CCDC178: variants seen among roughly 807,000 people sequenced by gnomAD.
CCDC178 encodes the protein coiled-coil domain containing 178, also known as coiled-coil domain-containing protein 178.
A neutral mutation model predicts 117.4 loss-of-function variants in CCDC178; 126 were observed. That is an observed-to-expected ratio of 1.07 (90% CI 0.93 to 1.24). CCDC178 has a LOEUF of 1.24. Ranked by LOEUF, CCDC178 falls within the 50% of genes most tolerant of loss-of-function variation. CCDC178 has a pLI of 0.00. For synonymous variants in CCDC178, 283 were observed against 313.4 expected (o/e 0.90, Z 1.02); for missense variants, 1,030 against 986.9 (o/e 1.04, Z -0.59).
At chr18:33,353,962 T>C (rs1366160413) in intron 7 of CCDC178, among the ~76,000 whole-genome samples, 1 of 152,200 alleles carries the variant, frequency 6.6e-6, no homozygotes, top group Non-Finnish European at 1.5e-5. Flanking sequence ...TAGGATTTCT[T>C]ATAGAACTGG....
intron 21 of CCDC178, among the ~76,000 whole-genome samples, chr18:33,045,594 G>T (rs1702477989): frequency 6.6e-6 from 1 of 152,136 alleles, no homozygotes; most frequent in East Asian, 1.9e-4. Context: ...AATATCAATT[G>T]TTCTGGCCTT....
intron 20 of CCDC178, among the ~76,000 whole-genome samples, chr18:33,198,716 T>G (rs978108606): frequency 4.6e-5 from 7 of 152,204 alleles, no homozygotes; most frequent in Admixed American, 3.9e-4. Flanking sequence ...AGTAATGGTA[T>G]AGGTGAGGCA....
chr18:33,202,672 A>C (rs1266733509), intron 20 of CCDC178, among the ~76,000 whole-genome samples: 8 of 152,130 alleles, frequency 5.3e-5, no homozygotes, highest in Non-Finnish European at 8.8e-5. Context: ...TTTTATCTGC[A>C]ACTAGTGCCT....
chr18:33,269,086 C>G (rs1417513702), intron 12 of CCDC178, among the ~76,000 whole-genome samples: 1 of 151,730 alleles, frequency 6.6e-6, no homozygotes, highest in Non-Finnish European at 1.5e-5. Context: ...TTTGACCTGT[C>G]TGGTGGTTTT....
chr18:33,427,531 CTCT>C (rs1322725259), intron 2 of CCDC178, among the ~76,000 whole-genome samples: 1 of 152,136 alleles, frequency 6.6e-6, no homozygotes, highest in Non-Finnish European at 1.5e-5. Flanking sequence ...TTCCTAATCT[CTCT>C]TCTCTTTCTT....
At chr18:33,413,768 T>C (rs1036129889) in intron 2 of CCDC178, among the ~76,000 whole-genome samples, 1 of 152,060 alleles carries the variant, frequency 6.6e-6, no homozygotes, top group Non-Finnish European at 1.5e-5. Context: ...CACACAAAAC[T>C]TTGGAAACAG....
intron 21 of CCDC178, among the ~76,000 whole-genome samples, chr18:33,072,434 A>C (rs909648311): frequency 1.3e-5 from 2 of 152,134 alleles, no homozygotes; most frequent in African/African-American, 4.8e-5. Flanking sequence ...AATAGCCACT[A>C]TGTTAGGCTA....
In CCDC178 at chr18:33,250,753, C is replaced by T. The variant is rs2059611296; in HGVS notation, c.1410-5325G>A. ...AGCAGGTGTATATAGCAAAACTATA[C>T]CCGAAAAATTTCAGTACCAAAACCC... On this transcript the variant is annotated intron_variant, in intron 14 of 22. Coordinates refer to ENST00000383096, the MANE Select transcript of CCDC178 (RefSeq NM_001105528.4). Among the ~76,000 whole-genome samples, 5 of 151,360 alleles carry T rather than the reference C, an allele frequency of 3.3e-5. 1 individual carries two copies.
At chr18:33,127,910 G>T (rs557100035) in intron 20 of CCDC178, among the ~76,000 whole-genome samples, 128 of 152,288 alleles carry the variant, frequency 8.4e-4, no homozygotes, top group African/African-American at 3.0e-3. Flanking sequence ...AAGGGAGGAA[G>T]TGAAGCCCAC....
chr18:33,058,882 C>T (rs1209442296), intron 21 of CCDC178, among the ~76,000 whole-genome samples: 2 of 152,050 alleles, frequency 1.3e-5, no homozygotes, highest in South Asian at 2.1e-4. Flanking sequence ...TTATATCTCA[C>T]ACAATTTTGA....
chr18:33,282,482 C>T (rs2060036998), intron 12 of CCDC178, among the ~76,000 whole-genome samples: 1 of 152,136 alleles, frequency 6.6e-6, no homozygotes, highest in African/African-American at 2.4e-5. Context: ...CCTTGGTCTG[C>T]TGGCCTCTCC....
chr18:33,022,977 A>G (rs1240253931), intron 21 of CCDC178, among the ~76,000 whole-genome samples: 1 of 152,108 alleles, frequency 6.6e-6, no homozygotes, highest in East Asian at 1.9e-4. Flanking sequence ...AAAGAAAATA[A>G]TCAGACATGG....
At chr18:33,187,822 A>T (rs1390455245) in intron 20 of CCDC178, among the ~76,000 whole-genome samples, 2 of 152,146 alleles carry the variant, frequency 1.3e-5, no homozygotes, top group African/African-American at 4.8e-5. Flanking sequence ...TGTAAAATGA[A>T]GTTGAAATGC....
At chr18:33,255,978 G>A (rs200259768) in intron 14 of CCDC178, among the ~76,000 whole-genome samples, 7 of 139,002 alleles carry the variant, frequency 5.0e-5, no homozygotes, top group East Asian at 2.1e-4. Flanking sequence ...AAGAAAGAGA[G>A]AAAAAAAAAA....
intron 14 of CCDC178, among the ~76,000 whole-genome samples, chr18:33,245,974 C>A (rs555911770): frequency 3.3e-5 from 5 of 151,916 alleles, no homozygotes; most frequent in African/African-American, 1.2e-4. Context: ...AAAATGTCTC[C>A]AGCCACTGCC....
chr18:33,186,726 A>C (rs943076515), intron 20 of CCDC178, among the ~76,000 whole-genome samples: 1 of 152,062 alleles, frequency 6.6e-6, no homozygotes, highest in African/African-American at 2.4e-5. Context: ...ACCTTCTGCT[A>C]GACTGTGATG....
intron 22 of CCDC178, among the ~76,000 whole-genome samples, chr18:32,956,026 C>G (rs1273203436): frequency 6.6e-6 from 1 of 152,162 alleles, no homozygotes; most frequent in African/African-American, 2.4e-5. Context: ...TTGCCTATAA[C>G]TAACACTACA....
At chr18:32,984,213 T>C (rs2055213756) in intron 21 of CCDC178, among the ~76,000 whole-genome samples, 1 of 151,818 alleles carries the variant, frequency 6.6e-6, no homozygotes, top group Admixed American at 6.6e-5. Context: ...TCTAATTATA[T>C]AAAAATAATA....
chr18:33,245,307 G>A lies in CCDC178; in HGVS notation c.1531C>T (p.Leu511=). The change falls in exon 15 of 23, where the codon CTA becomes TTA. Residue 511 remains leucine, a synonymous_variant. Transcript: ENST00000383096. ...ATTTCATCTGTCTTGTGTTTGGTTA[G>A]GTGGAAAAGAGTACCAATGCGATAA... ...EAYRIGTLFH[L]TKHKTDEMED... is the part of the protein sequence containing the mutation. 6.2e-7 allele frequency: 1 copy of A among 1,605,566 alleles called. No individual in the cohort carries two copies. The highest frequency in any genetic ancestry group is 8.5e-7 in the Non-Finnish European group (1 of 1,176,190).
Sources: gnomAD v4.1 joint callset for allele counts (sites outside exome capture counted in the v4.1 genomes callset) on GRCh38, gnomAD v4.1.1 for gene constraint, MANE v1.5 for transcripts, NCBI Gene and HGNC (gene_info 2026-07-23, HGNC 2026-07-21) for gene names.